The following FARS2 variants were observed in gnomAD, a reference collection of about 807,000 sequenced individuals.
FARS2 encodes phenylalanyl-tRNA synthetase 2, mitochondrial, also known as phenylalanine--tRNA ligase, mitochondrial.
A neutral mutation model predicts 46.4 loss-of-function variants in FARS2; 40 were observed. The ratio of observed to expected loss-of-function variants is 0.86; its 90% confidence interval spans 0.67 to 1.12. The LOEUF (loss-of-function observed/expected upper bound fraction) is 1.12. FARS2 is among the 50% of genes most tolerant of loss of function. The pLI is 0.00. For missense variants in FARS2, 513 were observed against 567.9 expected (o/e 0.90, Z 0.98); for synonymous variants, 234 against 214.9 (o/e 1.09, Z -0.78).
At chr6:5,683,612 T>TTTTTC (rs1237070772) in intron 6 of FARS2, among the ~76,000 whole-genome samples, 1 of 152,028 alleles carries the variant, frequency 6.6e-6, no homozygotes, top group African/African-American at 2.4e-5. Flanking sequence ...TTTCTTTTTT[T>TTTTTC]TTTTCTTTTA....
chr6:5,333,318 A>G (rs1268960416), intron 1 of FARS2, among the ~76,000 whole-genome samples: 2 of 152,188 alleles, frequency 1.3e-5, no homozygotes, highest in Non-Finnish European at 2.9e-5. Context: ...CATTTTGCAG[A>G]TAAGGACATC....
intron 6 of FARS2, among the ~76,000 whole-genome samples, chr6:5,670,715 G>A (rs995211721): frequency 6.6e-5 from 10 of 152,308 alleles, no homozygotes; most frequent in East Asian, 1.9e-4. Context: ...AGTATGCACA[G>A]CACTGAAGCC....
chr6:5,477,848 A>G (rs182080337), intron 4 of FARS2, among the ~76,000 whole-genome samples: 34 of 152,144 alleles, frequency 2.2e-4, no homozygotes, highest in African/African-American at 8.2e-4. Flanking sequence ...GTGAGACCTC[A>G]TCTCTACAAA....
chr6:5,740,910 C>T (rs1761290339), intron 6 of FARS2, among the ~76,000 whole-genome samples: 1 of 152,194 alleles, frequency 6.6e-6, no homozygotes, highest in Non-Finnish European at 1.5e-5. Context: ...GGCCTGTTCT[C>T]CTTACCAGGA....
intron 1 of FARS2, among the ~76,000 whole-genome samples, chr6:5,306,106 T>C (rs531895736): frequency 2.0e-5 from 3 of 152,214 alleles, no homozygotes; most frequent in Admixed American, 6.5e-5. Context: ...AGGTTTAAGG[T>C]TGTTAAGGGA....
chr6:5,643,233 A>G (rs142109074), intron 6 of FARS2, among the ~76,000 whole-genome samples: 32 of 152,348 alleles, frequency 2.1e-4, no homozygotes, highest in African/African-American at 5.8e-4. Context: ...AAGAACTGAA[A>G]TAATAATCCA....
intron 6 of FARS2, among the ~76,000 whole-genome samples, chr6:5,655,938 G>T (rs1203976095): frequency 6.6e-6 from 1 of 152,180 alleles, no homozygotes; most frequent in Admixed American, 6.5e-5. Context: ...AGTAATAAAT[G>T]TTAGAAAATT....
intron 3 of FARS2, among the ~76,000 whole-genome samples, chr6:5,413,545 C>T (rs1316286316): frequency 6.6e-6 from 1 of 152,182 alleles, no homozygotes; most frequent in African/African-American, 2.4e-5. Context: ...AGCTCAATTT[C>T]CTGATTGATT....
At position 5,372,243 on chromosome 6, in the gene FARS2, G is replaced by C. The variant is rs546902313; in HGVS notation, c.612+3061G>C. Among the ~76,000 whole-genome samples, 3 of 152,230 alleles carry C rather than the reference G, an allele frequency of 2.0e-5. No homozygotes were observed. The East Asian group carries it at 5.8e-4, about 29-fold the overall frequency. On this transcript the variant is annotated intron_variant, in intron 2 of 6. Transcript: ENST00000274680. ...TGGTCAGAAACCAATGGGTTACGAAGTTAAAATGTGTAAAGATACAGACAG... is the reference window on the plus strand; with the variant it reads ...TGGTCAGAAACCAATGGGTTACGAACTTAAAATGTGTAAAGATACAGACAG...
At chr6:5,260,561 G>A (rs542524030), upstream of FARS2, 6 of 1,503,400 alleles carry the variant, frequency 4.0e-6, no homozygotes, top group East Asian at 1.2e-4. Context: ...GTGGCTCCCA[G>A]TCCCCGGGGA....
chr6:5,562,379 C>T (rs887985475), intron 5 of FARS2, among the ~76,000 whole-genome samples: 1 of 152,116 alleles, frequency 6.6e-6, no homozygotes, highest in South Asian at 2.1e-4. Flanking sequence ...TGGCTCAATA[C>T]CTGATCAAGA....
At chr6:5,431,251 T>C (rs757382312) in intron 4 of FARS2, 79 bp downstream of exon 4, 1 of 1,428,640 alleles carries the variant, frequency 7.0e-7, no homozygotes, top group Non-Finnish European at 9.8e-7. Flanking sequence ...TGCACACTTG[T>C]AGATATTTAC....
chr6:5,657,397 G>C (rs909017275), intron 6 of FARS2, among the ~76,000 whole-genome samples: 1 of 152,190 alleles, frequency 6.6e-6, no homozygotes, highest in African/African-American at 2.4e-5. Flanking sequence ...TGATTAGATT[G>C]ACCAATCAAG....
intron 4 of FARS2, among the ~76,000 whole-genome samples, chr6:5,443,334 A>G (rs1423507720): frequency 6.6e-6 from 1 of 152,226 alleles, no homozygotes; most frequent in African/African-American, 2.4e-5. Flanking sequence ...TCCTTCTTTT[A>G]TCAGACTGTA....
chr6:5,709,598 G>A (rs1758980046), intron 6 of FARS2, among the ~76,000 whole-genome samples: 1 of 151,936 alleles, frequency 6.6e-6, no homozygotes, highest in Non-Finnish European at 1.5e-5. Flanking sequence ...TAGAAGGAAA[G>A]TTTCTTAAGA....
chr6:5,469,695 C>T (rs17140536), intron 4 of FARS2, among the ~76,000 whole-genome samples: 2,464 of 152,260 alleles, frequency 0.016, 53 homozygotes, highest in East Asian at 0.094. Flanking sequence ...GAAAAATATG[C>T]GGTCATTGCT....
chr6:5,546,255 CTT>C (rs70975919), intron 5 of FARS2, among the ~76,000 whole-genome samples: 9,281 of 122,158 alleles, frequency 0.076, 1,024 homozygotes, highest in African/African-American at 0.26. Flanking sequence ...CAATTTTGTA[CTT>C]TTTTTTTTTT....
At chr6:5,529,376 C>T (rs896016749) in intron 4 of FARS2, among the ~76,000 whole-genome samples, 3 of 152,140 alleles carry the variant, frequency 2.0e-5, no homozygotes, top group Admixed American at 6.5e-5. Context: ...GGCACAATCT[C>T]GGCGCACTGC....
At chr6:5,714,949 C>T (rs1283212043) in intron 6 of FARS2, among the ~76,000 whole-genome samples, 2 of 152,274 alleles carry the variant, frequency 1.3e-5, no homozygotes, top group African/African-American at 4.8e-5. Flanking sequence ...CGCTTGAACC[C>T]AGGAGGTAGA....
Sources: allele counts gnomAD v4.1 joint callset (sites outside exome capture counted in the v4.1 genomes callset), GRCh38; gene constraint gnomAD v4.1.1; transcripts MANE v1.5; gene names NCBI Gene and HGNC (gene_info 2026-07-23, HGNC 2026-07-21).